Variants in QPCT observed in about 807,000 individuals in gnomAD.
The protein encoded by QPCT is glutaminyl-peptide cyclotransferase, also known as EC.
Under a neutral mutation model 43.4 loss-of-function variants are expected in QPCT, and 44 were observed. The ratio of observed to expected loss-of-function variants is 1.01; its 90% CI spans 0.80 to 1.30. The LOEUF (loss-of-function observed/expected upper bound fraction) is 1.30, where lower values mean the gene tolerates loss of function less well. Among genes scored for constraint, QPCT ranks in the 50% most tolerant of loss-of-function variants. The probability of loss-of-function intolerance (pLI) is 0.00; values close to 1 mark genes in which losing one functional copy is unlikely to be tolerated. For missense variants in QPCT, 526 were observed against 436.5 expected (o/e 1.21, Z -1.83); for synonymous variants, 168 against 168.4 (o/e 1.00, Z 0.02).
At chr2:37,350,423 A>C (rs1302932105) in intron 1 of QPCT, among the ~76,000 whole-genome samples, 4 of 152,176 alleles carry the variant, frequency 2.6e-5, no homozygotes, top group Admixed American at 6.5e-5. Context: ...TGGCATGAGG[A>C]CTTAGATCCT....
intron 4 of QPCT, chr2:37,368,702 G>A: frequency 2.1e-6 from 1 of 471,120 alleles, no homozygotes. Flanking sequence ...TGCCCAAAAA[G>A]CATTCAGAAC....
chr2:37,350,202 C>G (rs988349742), intron 1 of QPCT, among the ~76,000 whole-genome samples: 8 of 152,156 alleles, frequency 5.3e-5, no homozygotes, highest in African/African-American at 1.9e-4. Flanking sequence ...AACCTCAGAG[C>G]ATTTGGGGCC....
In QPCT at chr2:37,352,844, G is replaced by A; in HGVS notation, c.176G>A (p.Gly59Asp). Residue 59 changes from glycine (G) to aspartate (D), a missense_variant, in exon 2 of 7, where the codon GGC (glycine) becomes GAC (aspartate). Transcript: ENST00000338415. ...NSSALRQIAE[G>D]TSISEMWQND... ...TCGGCTCTTCGGCAAATTGCAGAAG[G>A]CACCAGTATCTCTGAAATGTGGCAA... 3 of 1,614,124 alleles carry A rather than the reference G, an allele frequency of 1.9e-6. No homozygotes were observed. The highest frequency in any genetic ancestry group is 2.5e-6 in the Non-Finnish European group (3 of 1,179,986).
At chr2:37,347,159 TATATAAC>T (rs1290783696) in intron 1 of QPCT, among the ~76,000 whole-genome samples, 1 of 68,704 alleles carries the variant, frequency 1.5e-5, no homozygotes, top group African/African-American at 6.8e-5. Context: ...TATATATATA[TATATAAC>T]ATATATATAT....
At chr2:37,359,067 C>T (rs1293959904) in intron 2 of QPCT, among the ~76,000 whole-genome samples, 4 of 152,132 alleles carry the variant, frequency 2.6e-5, no homozygotes, top group African/African-American at 9.7e-5. Context: ...GCCTTTGTAG[C>T]CTCCTAGAAA....
intron 1 of QPCT, among the ~76,000 whole-genome samples, chr2:37,349,728 A>C (rs1672579836): frequency 6.6e-6 from 1 of 152,182 alleles, no homozygotes. Context: ...GCCCAATAAC[A>C]TTGAACCACA....
chr2:37,373,019 CATTA>C lies in QPCT; in HGVS notation c.*196_*199del. 6.9e-6 allele frequency: 3 copies of C among 433,540 alleles called. No individual in the cohort carries two copies. Among genetic ancestry groups the C allele is most frequent in the Non-Finnish European group, 1.2e-5 (3 of 255,586 alleles). 26.9% of individuals were successfully genotyped at this position (433,540 alleles called of 1,614,324 possible). ...TTGTGATATTGTGTCCTAAATTGCT[CATTA>C]ATTTTTATTTACAGATTGAAAAAGA... On this transcript the variant is annotated 3_prime_UTR_variant, in exon 7 of 7. Coordinates refer to ENST00000338415, the MANE Select transcript of QPCT (RefSeq NM_012413.4).
At chr2:37,359,954 A>G in intron 3 of QPCT, 96 bp downstream of exon 3, 1 of 1,267,210 alleles carries the variant, frequency 7.9e-7, no homozygotes. Context: ...AAGGCCATTT[A>G]GAAATGGAGA....
chr2:37,355,222 T>C (rs141603648), intron 2 of QPCT, among the ~76,000 whole-genome samples: 1 of 152,264 alleles, frequency 6.6e-6, no homozygotes, highest in Non-Finnish European at 1.5e-5. Flanking sequence ...AGAAGAAAAT[T>C]ACCATTAATT....
Position 37,344,700 on chromosome 2 carries a change from C to T in QPCT, c.-32C>T. The T allele has an allele frequency of 1.3e-6, 2 of 1,579,834 alleles. No individual in the cohort carries two copies. The highest frequency in any genetic ancestry group is 1.7e-6 in the Non-Finnish European group (2 of 1,164,608). ...CCCGGGCTCGTGACCGCCAGCGGCCCGGGGAACCCGCTCCCAGACAGACTC... is the reference window on the plus strand; with the variant it reads ...CCCGGGCTCGTGACCGCCAGCGGCCTGGGGAACCCGCTCCCAGACAGACTC... On this transcript the variant is annotated 5_prime_UTR_variant, in exon 1 of 7. Transcript: ENST00000338415.
In QPCT at chr2:37,358,461, C is replaced by CAAAACAAAACA. The variant is rs573104238; in HGVS notation, c.268-1116_268-1115insACAAAACAAAA. Among the ~76,000 whole-genome samples, 659 of 151,340 alleles carry CAAAACAAAACA rather than the reference C, an allele frequency of 4.4e-3. 2 individuals are homozygous for CAAAACAAAACA. The highest frequency in any genetic ancestry group is 0.015 in the African/African-American group (631 of 40,836). On this transcript the variant is annotated intron_variant, in intron 2 of 6. Transcript: ENST00000338415. The stretch of plus-strand genomic sequence containing the variant: ...AACAACAAAACAAAACAAAACAAAA[C>CAAAACAAAACA]AAACAAACAAACAAAAAACCAAGGA...
chr2:37,363,602 G>A (rs962617078), intron 3 of QPCT, among the ~76,000 whole-genome samples: 6 of 149,692 alleles, frequency 4.0e-5, no homozygotes, highest in Non-Finnish European at 8.8e-5. Context: ...CTGCACTCCA[G>A]CCTGGGCAAC....
At chr2:37,360,029 G>A (rs1427000874) in intron 3 of QPCT, 171 bp downstream of exon 3, 2 of 724,776 alleles carry the variant, frequency 2.8e-6, no homozygotes, top group Non-Finnish European at 4.4e-6. Context: ...ATCAACCATG[G>A]GCAATAAACC....
At chr2:37,352,975 C>T (rs374001521) in intron 2 of QPCT, 40 bp downstream of exon 2, 2 of 1,586,392 alleles carry the variant, frequency 1.3e-6, no homozygotes, top group Non-Finnish European at 8.6e-7. Flanking sequence ...TGTGTGAATA[C>T]TGTGCTTTCT....
chr2:37,350,279 G>C (rs766027689), intron 1 of QPCT, among the ~76,000 whole-genome samples: 2 of 152,196 alleles, frequency 1.3e-5, no homozygotes. Flanking sequence ...ACAGGCTTCT[G>C]TTGGCAGGGT....
At position 37,372,860 on chromosome 2, in the gene QPCT, G is replaced by A; in HGVS notation, c.*33G>A. On this transcript the variant is annotated 3_prime_UTR_variant, in exon 7 of 7. Transcript: ENST00000338415. Reference sequence around the variant, plus strand: ...ATTTAGTTTAGGATAATTGGTTCTAGAATTGAATTCAAAAGTCAAGGCATC... The same window carrying A: ...ATTTAGTTTAGGATAATTGGTTCTAAAATTGAATTCAAAAGTCAAGGCATC... The A allele has an allele frequency of 6.5e-7, 1 of 1,550,256 alleles. No homozygotes were observed. Among genetic ancestry groups the A allele is most frequent in the South Asian group, 1.2e-5 (1 of 82,964 alleles).
At position 37,367,267 on chromosome 2, in the gene QPCT, G is replaced by A. The variant is rs747137955; in HGVS notation, c.582G>A (p.Gln194=). The A allele has an allele frequency of 6.2e-7, 1 of 1,613,982 alleles. No homozygotes were observed. The highest frequency in any genetic ancestry group is 8.5e-7 in the Non-Finnish European group (1 of 1,179,946). The change falls in exon 4 of 7, where the codon CAG becomes CAA. Residue 194 remains glutamine, a synonymous_variant. Transcript: ENST00000338415. ...VSDSKPDLSL[Q]LIFFDGEEAF... ...ACTCCAAGCCAGATTTGTCACTCCAGCTGATCTTCTTTGATGGTGAAGAGG... is the reference window on the plus strand; with the variant it reads ...ACTCCAAGCCAGATTTGTCACTCCAACTGATCTTCTTTGATGGTGAAGAGG...
chr2:37,361,341 C>T (rs1672854632), intron 3 of QPCT, among the ~76,000 whole-genome samples: 1 of 152,184 alleles, frequency 6.6e-6, no homozygotes, highest in Admixed American at 6.5e-5. Flanking sequence ...CTCTTCATAG[C>T]TCCACTTCTC....
chr2:37,370,019 C>G (rs1360435826), intron 5 of QPCT, among the ~76,000 whole-genome samples: 1 of 151,752 alleles, frequency 6.6e-6, no homozygotes, highest in Admixed American at 6.6e-5. Context: ...TAAACAAATA[C>G]AAAATAAATA....
Sources: allele counts gnomAD v4.1 joint callset (sites outside exome capture counted in the v4.1 genomes callset), GRCh38; gene constraint gnomAD v4.1.1; transcripts MANE v1.5; gene names NCBI Gene and HGNC (gene_info 2026-07-23, HGNC 2026-07-21).